KSR2: variants seen among roughly 807,000 people sequenced by gnomAD.
KSR2 encodes kinase suppressor of ras 2.
KSR2 carries 25 observed loss-of-function variants against 107.8 expected under a neutral mutation model. The ratio of observed to expected loss-of-function variants is 0.23; its 90% confidence interval spans 0.17 to 0.32. The LOEUF is 0.32. Among genes scored for constraint, KSR2 ranks in the 10% least tolerant of loss-of-function variants. The pLI is 1.00. For synonymous variants in KSR2, 480 were observed against 507.0 expected (o/e 0.95, Z 0.71); for missense variants, 887 against 1,268.9 (o/e 0.70, Z 4.57).
intron 4 of KSR2, among the ~76,000 whole-genome samples, chr12:117,712,281 G>A (rs1886814763): frequency 6.6e-6 from 1 of 152,204 alleles, no homozygotes; most frequent in African/African-American, 2.4e-5. Flanking sequence ...TGAAGCCTTG[G>A]CTTTGGGAAG....
At chr12:117,766,647 T>C (rs1040030441) in intron 3 of KSR2, among the ~76,000 whole-genome samples, 6 of 150,500 alleles carry the variant, frequency 4.0e-5, no homozygotes, top group African/African-American at 1.5e-4. Flanking sequence ...CACAGAAGAG[T>C]GGAACCCCAC....
chr12:117,802,002 T>C (rs928539533), intron 3 of KSR2, among the ~76,000 whole-genome samples: 10 of 152,148 alleles, frequency 6.6e-5, no homozygotes, highest in African/African-American at 2.4e-4. Context: ...AGGCATGGTG[T>C]AAGTTTCCTA....
intron 4 of KSR2, among the ~76,000 whole-genome samples, chr12:117,673,622 C>G (rs548437498): frequency 3.0e-4 from 46 of 152,264 alleles, no homozygotes; most frequent in African/African-American, 1.1e-3. Context: ...ATCAAGGAAG[C>G]CTTCATGGAC....
intron 5 of KSR2, among the ~76,000 whole-genome samples, chr12:117,611,985 T>C (rs1341413194): frequency 1.3e-5 from 2 of 152,186 alleles, no homozygotes. Context: ...GAGGAGTTAG[T>C]GTTTAATGAG....
At chr12:117,807,900 C>T (rs994482364) in intron 3 of KSR2, among the ~76,000 whole-genome samples, 3 of 152,236 alleles carry the variant, frequency 2.0e-5, no homozygotes, top group Non-Finnish European at 4.4e-5. Flanking sequence ...TCAAACCTTT[C>T]CAGCCCCCTC....
chr12:117,827,691 T>A (rs1261488487), intron 3 of KSR2, among the ~76,000 whole-genome samples: 1 of 152,228 alleles, frequency 6.6e-6, no homozygotes, highest in Non-Finnish European at 1.5e-5. Context: ...ACACAATAGG[T>A]AAGTGTTAAA....
chr12:117,881,861 AATTAAT>A (rs1487872618), intron 1 of KSR2, among the ~76,000 whole-genome samples: 23 of 152,230 alleles, frequency 1.5e-4, no homozygotes, highest in African/African-American at 4.8e-4. Flanking sequence ...ATCTTTGCCC[AATTAAT>A]ATTAATATTT....
intron 4 of KSR2, chr12:117,674,247 C>T (rs1484039160): frequency 2.0e-6 from 1 of 495,452 alleles, no homozygotes; most frequent in Admixed American, 2.1e-5. Flanking sequence ...ATCTCTAGCC[C>T]CAATGTTCTG....
chr12:117,526,958 A>G, intron 13 of KSR2, 113 bp downstream of exon 13: 1 of 815,394 alleles, frequency 1.2e-6, no homozygotes, highest in Non-Finnish European at 2.1e-6. Context: ...AGTCAGGGCC[A>G]CCACAGCCCC....
chr12:117,947,262 T>C (rs59979745), intron 1 of KSR2, among the ~76,000 whole-genome samples: 25,781 of 105,360 alleles, frequency 0.24, 3,254 homozygotes, highest in East Asian at 0.3. Context: ...AGAAAGAAGA[T>C]AAACCACATG....
chr12:117,666,876 G>T (rs1478054108), intron 5 of KSR2, among the ~76,000 whole-genome samples: 1 of 152,140 alleles, frequency 6.6e-6, no homozygotes, highest in Non-Finnish European at 1.5e-5. Flanking sequence ...GATTAAACCA[G>T]CCCTCCATCA....
At chr12:117,588,578 C>A (rs1296083605) in intron 5 of KSR2, among the ~76,000 whole-genome samples, 5 of 152,310 alleles carry the variant, frequency 3.3e-5, no homozygotes, top group African/African-American at 1.2e-4. Context: ...CAAGTCCTGG[C>A]TGAACCTGGT....
At chr12:117,550,698 T>C (rs1877236689) in intron 9 of KSR2, among the ~76,000 whole-genome samples, 1 of 152,056 alleles carries the variant, frequency 6.6e-6, no homozygotes, top group Non-Finnish European at 1.5e-5. Context: ...AGGAACTATA[T>C]GGAGGCAGAA....
chr12:117,906,319 C>T (rs924907189), intron 1 of KSR2, among the ~76,000 whole-genome samples: 3 of 144,974 alleles, frequency 2.1e-5, no homozygotes, highest in Non-Finnish European at 3.0e-5. Flanking sequence ...GGCCATTGCA[C>T]TCCAGCCTGG....
At chr12:117,844,484 T>C (rs1215934609) in intron 3 of KSR2, among the ~76,000 whole-genome samples, 1 of 81,138 alleles carries the variant, frequency 1.2e-5, no homozygotes, top group Non-Finnish European at 2.2e-5. Context: ...TTCTGAGTAT[T>C]TTTTTTTTTT....
intron 14 of KSR2, among the ~76,000 whole-genome samples, chr12:117,501,990 ACAGAC>A (rs1264809389): frequency 6.6e-6 from 1 of 152,266 alleles, no homozygotes; most frequent in Non-Finnish European, 1.5e-5. Flanking sequence ...TGTCTTTCTT[ACAGAC>A]CACTGACTTC....
Position 117,818,692 on chromosome 12 carries a change from G to A in KSR2, c.472+36736C>T, listed in dbSNP as rs11068687. The stretch of plus-strand genomic sequence containing the variant: ...GCCAGCCTTTGATCCTGCTGAAAAC[G>A]TTCTGTGGCTAGAGGAGGAGGAACG... On this transcript the variant is annotated intron_variant, in intron 3 of 19. Coordinates refer to ENST00000339824, the MANE Select transcript of KSR2 (RefSeq NM_173598.6). Among the ~76,000 whole-genome samples the A allele has an allele frequency of 1.0e-3, 153 of 152,152 alleles. 1 individual carries two copies. The highest frequency in any genetic ancestry group is 1.7e-3 in the Non-Finnish European group (115 of 67,984).
chr12:117,826,236 C>CTTCCCTGATTGACCCATCACTGAGATCA, intron 3 of KSR2, among the ~76,000 whole-genome samples: 1 of 152,216 alleles, frequency 6.6e-6, no homozygotes, highest in South Asian at 2.1e-4. Flanking sequence ...TCCACCTCTG[C>CTTCCCTGATTGACCCATCACTGAGATCA]TCAGCCACCA....
chr12:117,896,798 C>CT, intron 1 of KSR2, among the ~76,000 whole-genome samples: 1 of 152,230 alleles, frequency 6.6e-6, no homozygotes, highest in East Asian at 1.9e-4. Context: ...CCACTGAACA[C>CT]TTTAAGAGGA....
Sources: gnomAD v4.1 joint callset for allele counts (sites outside exome capture counted in the v4.1 genomes callset) on GRCh38, gnomAD v4.1.1 for gene constraint, MANE v1.5 for transcripts, NCBI Gene and HGNC (gene_info 2026-07-23, HGNC 2026-07-21) for gene names.